Variants in SLC24A2 observed in about 807,000 individuals in gnomAD.
SLC24A2 encodes the protein solute carrier family 24 member 2.
A neutral mutation model predicts 62.0 loss-of-function variants in SLC24A2; 36 were observed. That is an observed-to-expected ratio of 0.58 (90% CI 0.44 to 0.77). SLC24A2 has a LOEUF of 0.77. Ranked by LOEUF, SLC24A2 falls within the 30% of genes least tolerant of loss-of-function variation. The pLI, the probability that SLC24A2 is intolerant of heterozygous loss-of-function variation, is 0.00. For missense variants in SLC24A2, 846 were observed against 817.9 expected, an observed-to-expected ratio of 1.03 and a Z score of -0.42; for synonymous variants, 358 against 294.0, an observed-to-expected ratio of 1.22 and a Z score of -2.23.
At chr9:19,588,794 C>T (rs1836454659) in intron 5 of SLC24A2, among the ~76,000 whole-genome samples, 1 of 152,160 alleles carries the variant, frequency 6.6e-6, no homozygotes, top group Admixed American at 6.5e-5. Flanking sequence ...AACCCCGTCT[C>T]TACTAAAAAT....
At chr9:20,211,062 T>C in the SLC24A2 span, among the ~76,000 whole-genome samples, 1 of 152,124 alleles carries the variant, frequency 6.6e-6, no homozygotes, top group African/African-American at 2.4e-5. Context: ...GATCTTTTTA[T>C]TATTGCCATT....
At chr9:19,656,561 A>C (rs1818948306) in intron 2 of SLC24A2, among the ~76,000 whole-genome samples, 1 of 152,116 alleles carries the variant, frequency 6.6e-6, no homozygotes, top group Non-Finnish European at 1.5e-5. Flanking sequence ...TACTTTCTTT[A>C]GTCTCTTTTC....
intron 1 of SLC24A2, chr9:19,788,505 A>G: frequency 1.0e-6 from 1 of 985,394 alleles, no homozygotes; most frequent in Non-Finnish European, 1.2e-6. Context: ...TTAATAGGAA[A>G]ATAAATCTAA....
the SLC24A2 span, among the ~76,000 whole-genome samples, chr9:19,818,149 G>C: frequency 1.3e-5 from 2 of 152,060 alleles, no homozygotes; most frequent in Non-Finnish European, 2.9e-5. Flanking sequence ...GCAATACCTG[G>C]TGCATTTTAG....
the SLC24A2 span, among the ~76,000 whole-genome samples, chr9:20,179,440 G>C: frequency 1.6e-4 from 24 of 152,310 alleles, no homozygotes; most frequent in South Asian, 3.7e-3. Flanking sequence ...ACTGATGGCG[G>C]TGATAAAATA....
chr9:19,880,848 C>T, the SLC24A2 span, among the ~76,000 whole-genome samples: 1 of 152,004 alleles, frequency 6.6e-6, no homozygotes, highest in Non-Finnish European at 1.5e-5. Context: ...TCAAAGGAGT[C>T]GCAGGATGTA....
At chr9:19,556,724 T>G (rs1057323567) in intron 7 of SLC24A2, among the ~76,000 whole-genome samples, 2 of 152,306 alleles carry the variant, frequency 1.3e-5, no homozygotes, top group Middle Eastern at 3.4e-3. Flanking sequence ...CAAAATAGAA[T>G]GTCAGCACTT....
intron 2 of SLC24A2, among the ~76,000 whole-genome samples, chr9:19,744,750 T>C (rs778282061): frequency 1.3e-5 from 2 of 152,208 alleles, no homozygotes; most frequent in African/African-American, 2.4e-5. Context: ...TAGCCCCAAC[T>C]ATAAGTTTCA....
chr9:20,098,568 C>G, the SLC24A2 span, among the ~76,000 whole-genome samples: 1 of 152,212 alleles, frequency 6.6e-6, no homozygotes, highest in Non-Finnish European at 1.5e-5. Context: ...AGAAACTCAG[C>G]ATTAGGCCTA....
At chr9:20,215,404 T>C in the SLC24A2 span, among the ~76,000 whole-genome samples, 1 of 152,140 alleles carries the variant, frequency 6.6e-6, no homozygotes, top group Non-Finnish European at 1.5e-5. Flanking sequence ...AACAATTCTT[T>C]CAATGGGTAG....
chr9:19,869,041 G>T, the SLC24A2 span, among the ~76,000 whole-genome samples: 1 of 152,076 alleles, frequency 6.6e-6, no homozygotes. Flanking sequence ...GAGTGCAGTG[G>T]CAGGAACACG....
the SLC24A2 span, among the ~76,000 whole-genome samples, chr9:20,121,060 C>T: frequency 6.7e-6 from 1 of 148,694 alleles, no homozygotes; most frequent in East Asian, 2.0e-4. Flanking sequence ...TATGGCTCCT[C>T]CCCAACTTTG....
At chr9:19,636,777 TG>T (rs1818368979) in intron 2 of SLC24A2, among the ~76,000 whole-genome samples, 1 of 151,952 alleles carries the variant, frequency 6.6e-6, no homozygotes, top group South Asian at 2.1e-4. Context: ...TGAATTTAGG[TG>T]GGGGGACAGT....
intron 2 of SLC24A2, among the ~76,000 whole-genome samples, chr9:19,707,670 T>G (rs1189987595): frequency 6.6e-6 from 1 of 152,170 alleles, no homozygotes; most frequent in African/African-American, 2.4e-5. Context: ...ATTATCTCAA[T>G]AGATGCAGAA....
At chr9:19,963,508 A>C in the SLC24A2 span, among the ~76,000 whole-genome samples, 207 of 152,060 alleles carry the variant, frequency 1.4e-3, 3 homozygotes, top group East Asian at 0.03. Context: ...CAATGAACTC[A>C]AACAAATTTA....
the SLC24A2 span, among the ~76,000 whole-genome samples, chr9:20,307,632 G>A: frequency 1.3e-5 from 2 of 152,184 alleles, no homozygotes; most frequent in African/African-American, 4.8e-5. Flanking sequence ...CAGGAATGAG[G>A]GGTCGGCAGG....
the SLC24A2 span, among the ~76,000 whole-genome samples, chr9:20,278,178 T>A: frequency 6.6e-6 from 1 of 152,104 alleles, no homozygotes; most frequent in African/African-American, 2.4e-5. Context: ...GGCACATGTA[T>A]ACATATGTAA....
intron 2 of SLC24A2, among the ~76,000 whole-genome samples, chr9:19,722,720 C>T (rs572951741): frequency 6.6e-6 from 1 of 151,130 alleles, no homozygotes; most frequent in South Asian, 2.1e-4. Context: ...ACTTGAAGAG[C>T]CTATGCAACG....
the SLC24A2 span, among the ~76,000 whole-genome samples, chr9:20,123,851 TC>T: frequency 6.6e-6 from 1 of 152,170 alleles, no homozygotes; most frequent in African/African-American, 2.4e-5. Flanking sequence ...TCAACTATCT[TC>T]CAGTTGAGCT....
Sources: gnomAD v4.1 joint callset for allele counts (sites outside exome capture counted in the v4.1 genomes callset) on GRCh38, gnomAD v4.1.1 for gene constraint, MANE v1.5 for transcripts, NCBI Gene and HGNC (gene_info 2026-07-23, HGNC 2026-07-21) for gene names.